PPFIA2: variants seen among roughly 807,000 people sequenced by gnomAD.
The protein encoded by PPFIA2 is liprin-alpha-2.
Under a neutral mutation model 175.5 loss-of-function variants are expected in PPFIA2, and 46 were observed. The observed-to-expected ratio is 0.26, with a 90% CI of 0.21 to 0.34. PPFIA2 has a LOEUF of 0.34. Among genes scored for constraint, PPFIA2 ranks in the 10% least tolerant of loss-of-function variants. PPFIA2 has a pLI of 1.00. For missense variants in PPFIA2, 1,179 were observed against 1,506.1 expected, an observed-to-expected ratio of 0.78 and a Z score of 3.60; for synonymous variants, 568 against 511.4, an observed-to-expected ratio of 1.11 and a Z score of -1.49.
chr12:81,578,560 C>T lies in PPFIA2; in HGVS notation c.303+98231G>A, dbSNP rs1026744651. On this transcript the variant is annotated intron_variant, in intron 4 of 32. Transcript: ENST00000549396. Reference sequence around the variant, plus strand: ...TATTTTTATTTAAAAAGTTTCATGACGAGGATGATGATCAACATTTTTATT... The same window carrying T: ...TATTTTTATTTAAAAAGTTTCATGATGAGGATGATGATCAACATTTTTATT... Among the ~76,000 whole-genome samples the T allele has an allele frequency of 4.6e-5, 7 of 151,680 alleles. No individual in the cohort carries two copies. In the South Asian group the frequency reaches 6.2e-4, roughly 13 times the overall value.
chr12:81,363,811 C>T (rs1343202595), intron 14 of PPFIA2, among the ~76,000 whole-genome samples: 1 of 151,820 alleles, frequency 6.6e-6, no homozygotes, highest in Non-Finnish European at 1.5e-5. Context: ...TTTCAAAACA[C>T]ATGTACAATA....
chr12:81,273,137 C>A (rs1397989944), intron 28 of PPFIA2, among the ~76,000 whole-genome samples: 2 of 152,082 alleles, frequency 1.3e-5, no homozygotes, highest in Non-Finnish European at 1.5e-5. Flanking sequence ...ATTTATTACC[C>A]TTTGGCTTCA....
intron 17 of PPFIA2, among the ~76,000 whole-genome samples, chr12:81,352,027 CA>C (rs1221762264): frequency 6.6e-6 from 1 of 152,016 alleles, no homozygotes; most frequent in African/African-American, 2.4e-5. Flanking sequence ...TATTTTTTCT[CA>C]AGTGTTCCAG....
intron 24 of PPFIA2, among the ~76,000 whole-genome samples, chr12:81,294,213 G>T (rs1257372892): frequency 6.6e-6 from 1 of 152,062 alleles, no homozygotes; most frequent in African/African-American, 2.4e-5. Context: ...TGGGTGATGG[G>T]CACACTGGAA....
At chr12:81,489,243 T>C (rs1332490428) in intron 4 of PPFIA2, among the ~76,000 whole-genome samples, 1 of 151,772 alleles carries the variant, frequency 6.6e-6, no homozygotes, top group Non-Finnish European at 1.5e-5. Flanking sequence ...TATTTCTGTA[T>C]CTATATATAC....
intron 4 of PPFIA2, among the ~76,000 whole-genome samples, chr12:81,582,714 T>C (rs899638630): frequency 2.6e-5 from 4 of 151,920 alleles, no homozygotes; most frequent in Non-Finnish European, 5.9e-5. Flanking sequence ...TTATTTCAGT[T>C]ACAATATTTT....
chr12:81,676,538 C>T, intron 4 of PPFIA2: 1 of 260,840 alleles, frequency 3.8e-6, no homozygotes, highest in Non-Finnish European at 7.2e-6. Flanking sequence ...CTGAGATATT[C>T]TAATAAAGAT....
chr12:81,540,881 T>C (rs1455947911), intron 4 of PPFIA2, among the ~76,000 whole-genome samples: 1 of 152,026 alleles, frequency 6.6e-6, no homozygotes, highest in Non-Finnish European at 1.5e-5. Context: ...TATATTATAT[T>C]TAGATCTCTC....
At chr12:81,294,097 A>C (rs1242591754) in intron 24 of PPFIA2, among the ~76,000 whole-genome samples, 1 of 152,134 alleles carries the variant, frequency 6.6e-6, no homozygotes, top group Non-Finnish European at 1.5e-5. Context: ...CAATGGGTAC[A>C]TGTGGACAGG....
At chr12:81,683,322 A>T (rs2073959505) in intron 3 of PPFIA2, among the ~76,000 whole-genome samples, 1 of 141,732 alleles carries the variant, frequency 7.1e-6, no homozygotes, top group Admixed American at 7.6e-5. Context: ...TATATCAATA[A>T]TATCTATCAC....
intron 7 of PPFIA2, among the ~76,000 whole-genome samples, chr12:81,417,028 T>C (rs1394190358): frequency 6.6e-6 from 1 of 151,814 alleles, no homozygotes; most frequent in African/African-American, 2.4e-5. Context: ...ACTTTATGTA[T>C]GCTAAGAAGT....
At chr12:81,706,642 C>T (rs868390070) in intron 3 of PPFIA2, among the ~76,000 whole-genome samples, 31 of 152,248 alleles carry the variant, frequency 2.0e-4, no homozygotes, top group African/African-American at 6.7e-4. Flanking sequence ...TCTGCCCCTA[C>T]CGGGGGGTGC....
At chr12:81,265,687 T>G (rs937617766) in intron 30 of PPFIA2, among the ~76,000 whole-genome samples, 1 of 152,314 alleles carries the variant, frequency 6.6e-6, no homozygotes, top group Admixed American at 6.5e-5. Flanking sequence ...GCAGCATAGT[T>G]TAAAGACAAC....
At chr12:81,520,205 G>T (rs2062952374) in intron 4 of PPFIA2, among the ~76,000 whole-genome samples, 1 of 152,126 alleles carries the variant, frequency 6.6e-6, no homozygotes, top group Admixed American at 6.5e-5. Context: ...TCATGATGTT[G>T]ATGGCTGGAT....
chr12:81,673,631 C>T (rs996215207), intron 4 of PPFIA2, among the ~76,000 whole-genome samples: 1 of 151,856 alleles, frequency 6.6e-6, no homozygotes, highest in Admixed American at 6.6e-5. Flanking sequence ...AAACATATGC[C>T]AAATATAGAA....
At chr12:81,626,095 G>T (rs1446340142) in intron 4 of PPFIA2, among the ~76,000 whole-genome samples, 1 of 151,464 alleles carries the variant, frequency 6.6e-6, no homozygotes, top group Admixed American at 6.6e-5. Context: ...TTCTAAATTT[G>T]ATTCATAGGT....
chr12:81,367,978 T>C (rs547361348), intron 13 of PPFIA2: 5 of 589,906 alleles, frequency 8.5e-6, no homozygotes. Flanking sequence ...AACTAACTTT[T>C]TGTCAAAACA....
chr12:81,483,968 T>C (rs2058537362), intron 4 of PPFIA2, among the ~76,000 whole-genome samples: 1 of 152,020 alleles, frequency 6.6e-6, no homozygotes, highest in South Asian at 2.1e-4. Context: ...CTTGCCCTTG[T>C]GCAGAAGTTT....
intron 4 of PPFIA2, among the ~76,000 whole-genome samples, chr12:81,552,978 A>T (rs556553095): frequency 1.3e-5 from 2 of 152,086 alleles, no homozygotes; most frequent in Non-Finnish European, 2.9e-5. Context: ...GTCCTCTGCC[A>T]TTCACTTTGC....
Sources: gnomAD v4.1 joint callset for allele counts (sites outside exome capture counted in the v4.1 genomes callset) on GRCh38, gnomAD v4.1.1 for gene constraint, MANE v1.5 for transcripts, NCBI Gene and HGNC (gene_info 2026-07-23, HGNC 2026-07-21) for gene names.